Variants in BAZ2B observed in about 807,000 individuals in gnomAD.
BAZ2B encodes the protein bromodomain adjacent to zinc finger domain protein 2B.
In BAZ2B, 91 loss-of-function variants were observed where a neutral mutation model predicts 246.0. The observed-to-expected ratio is 0.37, with a 90% CI of 0.31 to 0.44. The LOEUF (loss-of-function observed/expected upper bound fraction) is 0.44, where lower values mean the gene tolerates loss of function less well. Among genes scored for constraint, BAZ2B ranks in the 20% least tolerant of loss-of-function variants. The pLI is 1.00. For missense variants in BAZ2B, 2,332 were observed against 2,533.7 expected (o/e 0.92, Z 1.71); for synonymous variants, 855 against 860.0 (o/e 0.99, Z 0.10).
At chr2:159,365,451 C>T (rs954335224) in intron 27 of BAZ2B, among the ~76,000 whole-genome samples, 5 of 152,136 alleles carry the variant, frequency 3.3e-5, no homozygotes, top group Non-Finnish European at 5.9e-5. Context: ...AGTTTTTACA[C>T]CTCAATAGTT....
At chr2:159,315,620 A>G (rs2062033494), downstream of BAZ2B, among the ~76,000 whole-genome samples, 1 of 152,250 alleles carries the variant, frequency 6.6e-6, no homozygotes, top group Non-Finnish European at 1.5e-5. Context: ...AGGCGGAAGC[A>G]GCAGTGTTAT....
chr2:159,649,264 C>T, the BAZ2B span, among the ~76,000 whole-genome samples: 2 of 151,938 alleles, frequency 1.3e-5, no homozygotes, highest in Non-Finnish European at 2.9e-5. Context: ...GAGCCCTGAG[C>T]TTGTTTTCCT....
At chr2:159,657,940 T>C in the BAZ2B span, among the ~76,000 whole-genome samples, 1 of 152,218 alleles carries the variant, frequency 6.6e-6, no homozygotes, top group South Asian at 2.1e-4. Context: ...CTTGTCTTAT[T>C]GAATTAAATA....
chr2:159,619,805 T>A (rs1696359576), upstream of BAZ2B, among the ~76,000 whole-genome samples: 1 of 152,042 alleles, frequency 6.6e-6, no homozygotes, highest in African/African-American at 2.4e-5. Context: ...ATTTCAGAGA[T>A]TATAACATAA....
intron 1 of BAZ2B, among the ~76,000 whole-genome samples, 153 bp from the exon 2 acceptor site, chr2:159,556,018 A>G (rs2089066470): frequency 6.6e-6 from 1 of 152,254 alleles, no homozygotes; most frequent in Admixed American, 6.5e-5. Context: ...TCAGTATGAC[A>G]AAAATAAGCA....
intron 20 of BAZ2B, among the ~76,000 whole-genome samples, chr2:159,394,859 T>C (rs926332532): frequency 1.3e-5 from 2 of 152,178 alleles, no homozygotes; most frequent in African/African-American, 2.4e-5. Context: ...TGGAAAGTAA[T>C]GAAACCAGAA....
At chr2:159,519,698 A>T (rs368703691) in intron 2 of BAZ2B, among the ~76,000 whole-genome samples, 9 of 124,148 alleles carry the variant, frequency 7.2e-5, no homozygotes, top group African/African-American at 2.7e-4. Context: ...TTTGAGACAG[A>T]GTCTTGCTCT....
In BAZ2B at chr2:159,412,532, C is replaced by T. The variant is rs1399959596; in HGVS notation, c.2480G>A (p.Cys827Tyr). ...ARDGPQGMQW[C>Y]LLKEEDVIPR... Reference sequence around the variant, plus strand: ...AATGACATCCTCTTCTTTCAAAAGACACCACTGCATTCCCTTTTAATTAAC... The same window carrying T: ...AATGACATCCTCTTCTTTCAAAAGATACCACTGCATTCCCTTTTAATTAAC... The change falls in exon 14 of 37, where the codon TGT (cysteine) becomes TAT (tyrosine). Residue 827 changes from cysteine to tyrosine, a missense_variant. Around this residue, in one of 9 missense-constraint regions of BAZ2B, gnomAD observed 651 missense variants for 650.9 expected, o/e 1.00. Coordinates refer to ENST00000392783, the MANE Select transcript of BAZ2B (RefSeq NM_013450.4). 2 of 1,613,788 alleles carry T rather than the reference C, an allele frequency of 1.2e-6. No homozygotes were observed. Among genetic ancestry groups the T allele is most frequent in the Non-Finnish European group, 1.7e-6 (2 of 1,179,798 alleles).
At chr2:159,417,175 GT>G (rs536077331) in intron 13 of BAZ2B, among the ~76,000 whole-genome samples, 62 of 134,556 alleles carry the variant, frequency 4.6e-4, no homozygotes, top group Middle Eastern at 3.8e-3. Context: ...TTTTTTTTTT[GT>G]TTTTTTTTTT....
chr2:159,568,567 A>G (rs1402913890), intron 1 of BAZ2B, among the ~76,000 whole-genome samples: 1 of 151,216 alleles, frequency 6.6e-6, no homozygotes, highest in Non-Finnish European at 1.5e-5. Context: ...AAAAAAAAAA[A>G]AGCTCTTTTA....
At chr2:159,420,098 C>T (rs988730477) in intron 13 of BAZ2B, among the ~76,000 whole-genome samples, 5 of 152,176 alleles carry the variant, frequency 3.3e-5, no homozygotes, top group African/African-American at 1.2e-4. Context: ...AGAGAATAAG[C>T]TTCTCTAAAC....
intron 25 of BAZ2B, among the ~76,000 whole-genome samples, chr2:159,375,338 G>A (rs2061311093): frequency 6.6e-6 from 1 of 152,162 alleles, no homozygotes; most frequent in South Asian, 2.1e-4. Context: ...TAGTGGAAAT[G>A]TATACCAAGG....
chr2:159,544,971 G>A (rs924298566), intron 2 of BAZ2B, among the ~76,000 whole-genome samples: 1 of 152,180 alleles, frequency 6.6e-6, no homozygotes, highest in African/African-American at 2.4e-5. Context: ...GAAAAAGTTA[G>A]CAAGACAGCT....
chr2:159,539,106 C>A (rs1344436679), intron 2 of BAZ2B, among the ~76,000 whole-genome samples: 1 of 152,124 alleles, frequency 6.6e-6, no homozygotes, highest in Non-Finnish European at 1.5e-5. Context: ...CCTTTCCCAC[C>A]CATAAGGATC....
intron 13 of BAZ2B, among the ~76,000 whole-genome samples, chr2:159,415,070 A>G (rs564564601): frequency 1.3e-5 from 2 of 152,084 alleles, no homozygotes; most frequent in Non-Finnish European, 2.9e-5. Flanking sequence ...TACAAGGTCT[A>G]TATTATCAGT....
the BAZ2B span, among the ~76,000 whole-genome samples, chr2:159,642,486 G>C: frequency 0.45 from 68,385 of 151,636 alleles, 16,360 homozygotes; most frequent in Middle Eastern, 0.64. Flanking sequence ...TGATCCACCC[G>C]CCTCGGCCTC....
At chr2:159,564,718 T>C (rs1182438676) in intron 1 of BAZ2B, among the ~76,000 whole-genome samples, 1 of 152,136 alleles carries the variant, frequency 6.6e-6, no homozygotes, top group East Asian at 1.9e-4. Context: ...CTGGTGGTGG[T>C]AGTGGTAATA....
At chr2:159,472,082 T>A (rs2077871484) in intron 3 of BAZ2B, among the ~76,000 whole-genome samples, 1 of 152,108 alleles carries the variant, frequency 6.6e-6, no homozygotes. Context: ...TCAACTTCTT[T>A]TTAGTGAGCA....
At chr2:159,376,976 G>A (rs538186226) in intron 25 of BAZ2B, among the ~76,000 whole-genome samples, 2 of 152,284 alleles carry the variant, frequency 1.3e-5, no homozygotes, top group East Asian at 3.9e-4. Flanking sequence ...CTATATGTCA[G>A]AGTTTAATTG....
Sources: gnomAD v4.1 joint callset for allele counts (sites outside exome capture counted in the v4.1 genomes callset) on GRCh38, gnomAD v4.1.1 for gene constraint, gnomAD v4.1.1 regional missense constraint, MANE v1.5 for transcripts, NCBI Gene and HGNC (gene_info 2026-07-23, HGNC 2026-07-21) for gene names.